Variants in SCML4 observed in about 807,000 individuals in gnomAD.
SCML4 encodes the protein sex comb on midleg-like protein 4.
SCML4 carries 34 observed loss-of-function variants against 41.1 expected under a neutral mutation model. The observed-to-expected ratio is 0.83, with a 90% CI of 0.63 to 1.10. SCML4 has a LOEUF of 1.10. SCML4 is among the 50% of genes least tolerant of loss of function. The pLI is 0.00. For synonymous variants in SCML4, 214 were observed against 220.9 expected (o/e 0.97, Z 0.28); for missense variants, 522 against 534.1 (o/e 0.98, Z 0.22).
At chr6:107,767,348 T>C (rs188768921) in intron 2 of SCML4, among the ~76,000 whole-genome samples, 3 of 152,324 alleles carry the variant, frequency 2.0e-5, no homozygotes, top group Admixed American at 1.3e-4. Context: ...ACAGTTCTAA[T>C]GAAAACACAT....
intron 1 of SCML4, among the ~76,000 whole-genome samples, chr6:107,783,887 G>A (rs940248870): frequency 1.3e-5 from 2 of 152,162 alleles, no homozygotes; most frequent in African/African-American, 4.8e-5. Flanking sequence ...CTGGTCCATG[G>A]CTCCAGCTCC....
At chr6:107,792,741 AAAGAT>A (rs1782431688) in intron 1 of SCML4, among the ~76,000 whole-genome samples, 1 of 152,020 alleles carries the variant, frequency 6.6e-6, no homozygotes, top group African/African-American at 2.4e-5. Context: ...AAAAAAAAAA[AAAGAT>A]AAAAAGGATA....
At chr6:107,808,858 A>T (rs1783945231) in intron 1 of SCML4, among the ~76,000 whole-genome samples, 1 of 152,234 alleles carries the variant, frequency 6.6e-6, no homozygotes, top group Non-Finnish European at 1.5e-5. Context: ...ATATATGTGT[A>T]TTGGGATGAT....
chr6:107,820,070 G>T (rs1450630362), intron 1 of SCML4, among the ~76,000 whole-genome samples: 3 of 152,204 alleles, frequency 2.0e-5, no homozygotes, highest in African/African-American at 7.2e-5. Context: ...CACAATTGCA[G>T]CTTGCTGCTG....
At chr6:107,727,938 T>C (rs1308545721) in intron 5 of SCML4, among the ~76,000 whole-genome samples, 1 of 152,254 alleles carries the variant, frequency 6.6e-6, no homozygotes, top group Admixed American at 6.5e-5. Context: ...ACATGCAGTA[T>C]CTGGCATGAT....
chr6:107,716,304 A>G (rs1462210568), intron 6 of SCML4, among the ~76,000 whole-genome samples: 1 of 151,516 alleles, frequency 6.6e-6, no homozygotes, highest in Admixed American at 6.6e-5. Context: ...TGATTTGAAA[A>G]CCCCTGGGGT....
intron 5 of SCML4, 144 bp from the exon 6 acceptor site, chr6:107,721,137 A>G (rs1775370085): frequency 3.2e-6 from 3 of 950,308 alleles, no homozygotes; most frequent in African/African-American, 3.3e-5. Flanking sequence ...ACCTCACAAC[A>G]TAATTCCAAA....
chr6:107,823,833 G>A (rs1286562594), intron 1 of SCML4, among the ~76,000 whole-genome samples: 1 of 152,200 alleles, frequency 6.6e-6, no homozygotes, highest in African/African-American at 2.4e-5. Context: ...GTATTTAAAT[G>A]CAGAGTTAAA....
chr6:107,709,117 T>A (rs1207295316), intron 6 of SCML4, among the ~76,000 whole-genome samples: 1 of 152,178 alleles, frequency 6.6e-6, no homozygotes, highest in Non-Finnish European at 1.5e-5. Context: ...TGTCCTTTTC[T>A]TCCTACTGCC....
At chr6:107,832,339 G>C in the SCML4 span, among the ~76,000 whole-genome samples, 56 of 152,148 alleles carry the variant, frequency 3.7e-4, no homozygotes, top group African/African-American at 1.3e-3. Flanking sequence ...CCAAAGATCT[G>C]GTCTGAATCA....
intron 6 of SCML4, chr6:107,720,500 T>TACACG: frequency 2.9e-6 from 4 of 1,361,706 alleles, no homozygotes; most frequent in Non-Finnish European, 3.8e-6. Context: ...CCTGCCCTAA[T>TACACG]ACACGATTTT....
In SCML4 at chr6:107,716,915, C is replaced by T. The variant is rs191205271; in HGVS notation, c.973+3788G>A. 5.9e-5 allele frequency among the ~76,000 whole-genome samples: 9 copies of T among 152,228 alleles called. No individual in the cohort carries two copies. In the East Asian group the frequency reaches 1.7e-3, roughly 29 times the overall value. ...CCTTCCGTCTTCTCCCCACCCACTT[C>T]CTCTGTCTCACTGCTGAGAATGTGC... On this transcript the variant is annotated intron_variant, in intron 6 of 7. Transcript: ENST00000369020.
At chr6:107,775,159 G>A in intron 1 of SCML4, among the ~76,000 whole-genome samples, 1 of 152,186 alleles carries the variant, frequency 6.6e-6, no homozygotes, top group East Asian at 1.9e-4. Context: ...AGTCACCATG[G>A]TGGCATTTTT....
chr6:107,826,995 G>A (rs111537066), upstream of SCML4, among the ~76,000 whole-genome samples: 2,638 of 151,874 alleles, frequency 0.017, 70 homozygotes, highest in African/African-American at 0.061. Context: ...CCCGGGAGGC[G>A]GAGCTTGCAG....
At chr6:107,796,223 T>G (rs865828905) in intron 1 of SCML4, among the ~76,000 whole-genome samples, 1 of 152,186 alleles carries the variant, frequency 6.6e-6, no homozygotes, top group Non-Finnish European at 1.5e-5. Context: ...TAGGGTAGGT[T>G]ATGTTTAACT....
At chr6:107,719,289 C>T (rs189255022) in intron 6 of SCML4, 4 of 152,416 alleles carry the variant, frequency 2.6e-5, no homozygotes, top group Admixed American at 1.3e-4. Context: ...GCAAGGGGCC[C>T]CTTCTCACCT....
chr6:107,724,030 A>C (rs946052051), intron 5 of SCML4, among the ~76,000 whole-genome samples: 1 of 152,188 alleles, frequency 6.6e-6, no homozygotes, highest in African/African-American at 2.4e-5. Flanking sequence ...AATGTAATAC[A>C]CCATATGGAT....
intron 1 of SCML4, among the ~76,000 whole-genome samples, chr6:107,806,723 C>A (rs1244940800): frequency 6.6e-6 from 1 of 152,228 alleles, no homozygotes; most frequent in African/African-American, 2.4e-5. Context: ...CTGGAGCTCC[C>A]ACCCCAGCCC....
At chr6:107,762,315 A>C (rs1216816454) in intron 2 of SCML4, among the ~76,000 whole-genome samples, 1 of 152,196 alleles carries the variant, frequency 6.6e-6, no homozygotes, top group Non-Finnish European at 1.5e-5. Context: ...GGCAGAAAAG[A>C]CAGGTAAAAG....
Sources: gnomAD v4.1 joint callset for allele counts (sites outside exome capture counted in the v4.1 genomes callset) on GRCh38, gnomAD v4.1.1 for gene constraint, MANE v1.5 for transcripts, NCBI Gene and HGNC (gene_info 2026-07-23, HGNC 2026-07-21) for gene names.